The following NKAIN3 variants were observed in gnomAD, a reference collection of about 807,000 sequenced individuals.
The protein encoded by NKAIN3 is sodium/potassium transporting ATPase interacting 3.
A neutral mutation model predicts 30.2 loss-of-function variants in NKAIN3; 25 were observed. The ratio of observed to expected loss-of-function variants is 0.83; its 90% CI spans 0.60 to 1.16. The LOEUF (loss-of-function observed/expected upper bound fraction) is 1.16. Among genes scored for constraint, NKAIN3 ranks in the 50% most tolerant of loss-of-function variants. NKAIN3 has a pLI of 0.00. For missense variants in NKAIN3, 225 were observed against 254.1 expected (o/e 0.89, Z 0.78); for synonymous variants, 91 against 89.6 (o/e 1.02, Z -0.09).
In NKAIN3 at chr8:62,858,157, G is replaced by A. The variant is rs1473911557; in HGVS notation, c.472-60296G>A. Among the ~76,000 whole-genome samples the A allele has an allele frequency of 9.9e-5, 15 of 152,184 alleles. No individual in the cohort carries two copies. The South Asian group carries it at 2.5e-3, about 25-fold the overall frequency. On this transcript the variant is annotated intron_variant, in intron 4 of 6. Coordinates refer to ENST00000623646, the MANE Select transcript of NKAIN3 (RefSeq NM_001304533.3). ...TCTGCTCCAGACCCTAGTTACCTCC[G>A]TTTTTCCTGTACCTGGAGGTATCAC... is the stretch of plus-strand genomic sequence containing the variant.
chr8:62,443,186 CATGAACAATTGTTT>C (rs1397460666), intron 1 of NKAIN3, among the ~76,000 whole-genome samples: 2 of 151,762 alleles, frequency 1.3e-5, no homozygotes, highest in African/African-American at 4.8e-5. Flanking sequence ...CACAATTGTT[CATGAACAATTGTTT>C]ATGAATCTAT....
At chr8:62,490,704 G>T (rs1807041501) in intron 1 of NKAIN3, among the ~76,000 whole-genome samples, 2 of 152,250 alleles carry the variant, frequency 1.3e-5, no homozygotes, top group South Asian at 4.1e-4. Flanking sequence ...GGTACCAAAT[G>T]ATGGCCCAGC....
At chr8:62,797,507 C>T (rs972696596) in intron 4 of NKAIN3, among the ~76,000 whole-genome samples, 2 of 152,140 alleles carry the variant, frequency 1.3e-5, no homozygotes, top group South Asian at 2.1e-4. Context: ...CATTGTTTAC[C>T]TGTGTCTCCT....
chr8:62,292,409 G>T (rs1359551024), intron 1 of NKAIN3, among the ~76,000 whole-genome samples: 1 of 152,106 alleles, frequency 6.6e-6, no homozygotes, highest in East Asian at 1.9e-4. Flanking sequence ...CTTCCTTGAG[G>T]AGCTCTTGTA....
chr8:62,974,165 A>G lies in NKAIN3; in HGVS notation c.*8758A>G, dbSNP rs537460042. ...CTATATGGGCTCTTTTTGGTTCCCT[A>G]TGAAATTTAAAGTAGTTTTTTCTAA... is the stretch of plus-strand genomic sequence containing the variant. On this transcript the variant is annotated 3_prime_UTR_variant, in exon 7 of 7. Coordinates refer to ENST00000623646, the MANE Select transcript of NKAIN3 (RefSeq NM_001304533.3). 4.3e-4 allele frequency among the ~76,000 whole-genome samples: 65 copies of G among 151,856 alleles called. 1 individual carries two copies. In the South Asian group the frequency reaches 0.011, roughly 25 times the overall value.
intron 3 of NKAIN3, among the ~76,000 whole-genome samples, chr8:62,635,278 A>G (rs1812092046): frequency 6.6e-6 from 1 of 152,192 alleles, no homozygotes; most frequent in Admixed American, 6.5e-5. Flanking sequence ...TCTCTCAATC[A>G]TTATTTTACT....
intron 1 of NKAIN3, among the ~76,000 whole-genome samples, chr8:62,512,752 C>T (rs979627287): frequency 5.3e-5 from 8 of 151,972 alleles, no homozygotes; most frequent in Non-Finnish European, 1.2e-4. Context: ...GTGTCTTTCA[C>T]CTGCAGGGTC....
chr8:62,635,388 A>C (rs1195875352), intron 3 of NKAIN3, among the ~76,000 whole-genome samples: 1 of 152,142 alleles, frequency 6.6e-6, no homozygotes, highest in Non-Finnish European at 1.5e-5. Flanking sequence ...ACAATTGCAA[A>C]GTCAAATCCT....
chr8:62,857,198 G>T (rs1170103407), intron 4 of NKAIN3: 2 of 287,784 alleles, frequency 6.9e-6, no homozygotes, highest in East Asian at 1.9e-4. Flanking sequence ...AGTTTCTTCT[G>T]AGAGGATCAC....
intron 1 of NKAIN3, among the ~76,000 whole-genome samples, chr8:62,287,133 C>G (rs867160816): frequency 6.7e-6 from 1 of 150,294 alleles, no homozygotes; most frequent in Non-Finnish European, 1.5e-5. Flanking sequence ...AAGGAATGCC[C>G]CTCTTGTCTG....
chr8:62,635,383 T>A (rs1261527207), intron 3 of NKAIN3, among the ~76,000 whole-genome samples: 1 of 152,120 alleles, frequency 6.6e-6, no homozygotes, highest in Non-Finnish European at 1.5e-5. Flanking sequence ...AGGTAACAAT[T>A]GCAAAGTCAA....
At chr8:62,712,610 A>C (rs1272695881) in intron 3 of NKAIN3, among the ~76,000 whole-genome samples, 1 of 151,996 alleles carries the variant, frequency 6.6e-6, no homozygotes, top group Non-Finnish European at 1.5e-5. Context: ...AACAGCCCTG[A>C]GTGTGTTTCC....
intron 4 of NKAIN3, among the ~76,000 whole-genome samples, chr8:62,895,438 A>T (rs1821403182): frequency 6.6e-6 from 1 of 152,344 alleles, no homozygotes; most frequent in South Asian, 2.1e-4. Flanking sequence ...AGAAATGCAG[A>T]ATCTCAGCTC....
intron 1 of NKAIN3, among the ~76,000 whole-genome samples, chr8:62,347,881 A>G (rs1351766258): frequency 6.6e-6 from 1 of 152,122 alleles, no homozygotes; most frequent in Non-Finnish European, 1.5e-5. Flanking sequence ...CTTTCAGTTC[A>G]AGGAAGAGAT....
chr8:62,717,267 T>C (rs757261505), intron 3 of NKAIN3, among the ~76,000 whole-genome samples: 1 of 152,200 alleles, frequency 6.6e-6, no homozygotes, highest in South Asian at 2.1e-4. Context: ...AAGTATTCTT[T>C]AATATTTTGG....
chr8:62,461,770 G>A (rs1294601178), intron 1 of NKAIN3, among the ~76,000 whole-genome samples: 1 of 152,132 alleles, frequency 6.6e-6, no homozygotes, highest in Non-Finnish European at 1.5e-5. Flanking sequence ...TTCAGTGAGA[G>A]TAACAGAAAT....
At chr8:62,475,355 C>T (rs980927070) in intron 1 of NKAIN3, among the ~76,000 whole-genome samples, 13 of 152,168 alleles carry the variant, frequency 8.5e-5, no homozygotes, top group African/African-American at 2.4e-4. Flanking sequence ...GAGAAAGCCA[C>T]GACACTTCCA....
At chr8:62,692,100 G>T (rs533258410) in intron 3 of NKAIN3, among the ~76,000 whole-genome samples, 2 of 152,242 alleles carry the variant, frequency 1.3e-5, no homozygotes, top group South Asian at 2.1e-4. Flanking sequence ...GGCAGGTTCC[G>T]AGAGAGAAGG....
At chr8:62,714,478 A>G (rs1375075032) in intron 3 of NKAIN3, among the ~76,000 whole-genome samples, 1 of 152,148 alleles carries the variant, frequency 6.6e-6, no homozygotes. Flanking sequence ...ACTTTCTAAA[A>G]GCCAGAAAAT....
Sources: allele counts gnomAD v4.1 joint callset (sites outside exome capture counted in the v4.1 genomes callset), GRCh38; gene constraint gnomAD v4.1.1; transcripts MANE v1.5; gene names NCBI Gene and HGNC (gene_info 2026-07-23, HGNC 2026-07-21).